Variants in NSUN7 observed in about 807,000 individuals in gnomAD.
The protein encoded by NSUN7 is protein NSUN7.
NSUN7 carries 39 observed loss-of-function variants against 58.5 expected under a neutral mutation model. That is an observed-to-expected ratio of 0.67 (90% CI 0.52 to 0.87). The LOEUF (loss-of-function observed/expected upper bound fraction) is 0.87, where lower values mean the gene tolerates loss of function less well. Ranked by LOEUF, NSUN7 falls within the 40% of genes least tolerant of loss-of-function variation. The probability of loss-of-function intolerance (pLI) is 0.00; values close to 1 mark genes in which losing one functional copy is unlikely to be tolerated. For synonymous variants in NSUN7, 278 were observed against 303.7 expected, an observed-to-expected ratio of 0.92 and a Z score of 0.88; for missense variants, 765 against 844.1, an observed-to-expected ratio of 0.91 and a Z score of 1.16.
At chr4:40,751,181 T>C (rs1170816879) in intron 2 of NSUN7, among the ~76,000 whole-genome samples, 190 bp downstream of exon 2, 1 of 152,226 alleles carries the variant, frequency 6.6e-6, no homozygotes, top group African/African-American at 2.4e-5. Context: ...CAGCCCAGGA[T>C]TGCAGATTTC....
intron 7 of NSUN7, among the ~76,000 whole-genome samples, chr4:40,781,081 A>G (rs1389418124): frequency 1.3e-5 from 2 of 151,012 alleles, no homozygotes; most frequent in African/African-American, 4.9e-5. Flanking sequence ...GCATATATAT[A>G]TATATGACAC....
intron 4 of NSUN7, among the ~76,000 whole-genome samples, chr4:40,761,937 C>A (rs1050668828): frequency 3.3e-5 from 5 of 152,098 alleles, no homozygotes; most frequent in African/African-American, 1.2e-4. Context: ...GAATGTGTCC[C>A]CCAGAATTCA....
Position 40,775,689 on chromosome 4 carries a change from G to A in NSUN7, c.826-360G>A, listed in dbSNP as rs1742227773. Among the ~76,000 whole-genome samples, 1 of 152,146 alleles carries A rather than the reference G, an allele frequency of 6.6e-6. No individual in the cohort carries two copies. The highest frequency in any genetic ancestry group is 1.5e-5 in the Non-Finnish European group (1 of 68,002). Reference sequence around the variant, plus strand: ...GAGCTAGTGGCAATTTAGGTGACAAGGTAATGGGGAAGAGAAAATGGAAGT... The same window carrying A: ...GAGCTAGTGGCAATTTAGGTGACAAAGTAATGGGGAAGAGAAAATGGAAGT... On this transcript the variant is annotated intron_variant, in intron 6 of 11. Coordinates refer to ENST00000381782, the MANE Select transcript of NSUN7 (RefSeq NM_024677.6). The surrounding 1 kb of genome is among the most constrained non-coding windows in gnomAD (Gnocchi z 4.3).
At chr4:40,801,238 G>A (rs559033172) in intron 10 of NSUN7, among the ~76,000 whole-genome samples, 13 of 152,304 alleles carry the variant, frequency 8.5e-5, no homozygotes, top group African/African-American at 3.1e-4. Context: ...GGTAGTGACA[G>A]TTATACCTTT....
At chr4:40,807,036 G>A (rs1032179013) in intron 10 of NSUN7, 25 bp from the exon 11 acceptor site, 4 of 1,548,080 alleles carry the variant, frequency 2.6e-6, no homozygotes, top group African/African-American at 2.7e-5. Context: ...TCTAACTGCT[G>A]AATGCTTGTT....
At chr4:40,797,452 C>T (rs191037901) in intron 9 of NSUN7, among the ~76,000 whole-genome samples, 29 of 152,286 alleles carry the variant, frequency 1.9e-4, no homozygotes, top group African/African-American at 7.2e-5. Context: ...ATCTTCCTCC[C>T]GCCATACTTG....
intron 10 of NSUN7, among the ~76,000 whole-genome samples, chr4:40,802,641 G>GTTTA (rs555824404): frequency 5.3e-5 from 8 of 152,012 alleles, no homozygotes; most frequent in African/African-American, 1.9e-4. Context: ...ATGTTTGTTT[G>GTTTA]TTTTTTTGTA....
In NSUN7 at chr4:40,765,491, G is replaced by T. The variant is rs1195535628; in HGVS notation, c.488+4190G>T. Among the ~76,000 whole-genome samples, 5 of 151,486 alleles carry T rather than the reference G, an allele frequency of 3.3e-5. 1 individual carries two copies. Among genetic ancestry groups the T allele is most frequent in the African/African-American group, 1.2e-4 (5 of 41,356 alleles). On this transcript the variant is annotated intron_variant, in intron 4 of 11. Coordinates refer to ENST00000381782, the MANE Select transcript of NSUN7 (RefSeq NM_024677.6). ...CTGTTTTGGTTACTGTAGCCTTGTA[G>T]TATAGTTTGAAGTCAGGTAGCGTGA...
intron 7 of NSUN7, among the ~76,000 whole-genome samples, chr4:40,778,801 C>T (rs1002077258): frequency 3.3e-5 from 5 of 152,120 alleles, no homozygotes; most frequent in Non-Finnish European, 7.3e-5. Context: ...CATATACCAT[C>T]AATGGAATAG....
At chr4:40,784,454 A>C (rs1360589993) in intron 7 of NSUN7, among the ~76,000 whole-genome samples, 1 of 152,238 alleles carries the variant, frequency 6.6e-6, no homozygotes, top group Non-Finnish European at 1.5e-5. Context: ...AAAAGAATGA[A>C]ATCCTAATGG....
chr4:40,755,102 A>T lies in NSUN7; in HGVS notation c.298+4111A>T, dbSNP rs187433632. On this transcript the variant is annotated intron_variant, in intron 2 of 11. Transcript: ENST00000381782. ...AGTACCAGTAGCCAATTAATTAATT[A>T]ATTTATTGATGGAGTCTTGCTCTGT... is the stretch of plus-strand genomic sequence containing the variant. Among the ~76,000 whole-genome samples the T allele has an allele frequency of 1.4e-4, 21 of 152,216 alleles. No individual in the cohort carries two copies. In the East Asian group the frequency reaches 3.5e-3, roughly 25 times the overall value.
intron 10 of NSUN7, among the ~76,000 whole-genome samples, chr4:40,805,864 T>G (rs1355862312): frequency 1.3e-5 from 2 of 151,914 alleles, no homozygotes; most frequent in Admixed American, 6.6e-5. Context: ...ATTATTGAGA[T>G]GGAGTCTTGC....
chr4:40,766,035 A>G (rs1211775083), intron 4 of NSUN7, among the ~76,000 whole-genome samples: 1 of 152,176 alleles, frequency 6.6e-6, no homozygotes, highest in Non-Finnish European at 1.5e-5. Context: ...AAACAGGGAC[A>G]ATTTGACTTC....
Position 40,808,877 on chromosome 4 carries a change from G to A in NSUN7, c.2095G>A (p.Glu699Lys). The change falls in exon 12 of 12, where the codon GAG becomes AAG. Residue 699 changes from glutamate (E) to lysine (K), a missense_variant. Coordinates refer to ENST00000381782, the MANE Select transcript of NSUN7 (RefSeq NM_024677.6). Reference sequence around the variant, plus strand: ...TCCCACACACTCACTATCCAGAAAAGAGGAAAAGCCTAAAGATGACACACC... The same window carrying A: ...TCCCACACACTCACTATCCAGAAAAAAGGAAAAGCCTAAAGATGACACACC... ...CLPTHSLSRK[E>K]EKPKDDTPSS... 6.5e-7 allele frequency: 1 copy of A among 1,546,642 alleles called. No homozygotes were observed. Among genetic ancestry groups the A allele is most frequent in the Non-Finnish European group, 8.7e-7 (1 of 1,146,696 alleles).
intron 2 of NSUN7, among the ~76,000 whole-genome samples, chr4:40,752,480 GCA>G (rs1405774797): frequency 6.6e-6 from 1 of 152,168 alleles, no homozygotes; most frequent in African/African-American, 2.4e-5. Flanking sequence ...AAGTGCAGTG[GCA>G]CAATCTTGGC....
intron 8 of NSUN7, among the ~76,000 whole-genome samples, 181 bp from the exon 9 acceptor site, chr4:40,794,192 CAG>C (rs971486467): frequency 1.3e-5 from 2 of 151,898 alleles, no homozygotes; most frequent in African/African-American, 4.8e-5. Context: ...TAAAATGAAA[CAG>C]AATTAACTTT....
At position 40,809,061 on chromosome 4, in the gene NSUN7, T is replaced by G; in HGVS notation, c.*122T>G. The G allele has an allele frequency of 1.0e-6, 1 of 1,003,818 alleles. No individual in the cohort carries two copies. Among genetic ancestry groups the G allele is most frequent in the Non-Finnish European group, 1.4e-6 (1 of 711,926 alleles). The allele number at this position is 1,003,818 out of a possible 1,614,324, so 62.2% of individuals were successfully genotyped here. A position where few individuals can be genotyped will look rare whatever the true frequency, so the allele number is the denominator to read the frequency against. ...TTCTTTTGGTCACCTAGGGATCTTC[T>G]AAGTGTGATATTACTTTCAGAGAAT... On this transcript the variant is annotated 3_prime_UTR_variant, in exon 12 of 12. Transcript: ENST00000381782.
chr4:40,769,048 C>T (rs1741871748), intron 4 of NSUN7, among the ~76,000 whole-genome samples: 1 of 152,166 alleles, frequency 6.6e-6, no homozygotes, highest in Admixed American at 6.5e-5. Context: ...ATTCTTCTTT[C>T]CTCCCCTCCC....
intron 7 of NSUN7, among the ~76,000 whole-genome samples, chr4:40,784,774 A>C (rs1046833747): frequency 1.3e-5 from 2 of 152,234 alleles, no homozygotes; most frequent in Non-Finnish European, 2.9e-5. Flanking sequence ...ACCTTAAGAA[A>C]ATCAGTCAGA....
Sources: allele counts gnomAD v4.1 joint callset (sites outside exome capture counted in the v4.1 genomes callset), GRCh38; gene constraint gnomAD v4.1.1; non-coding constraint Gnocchi (gnomAD v3.1); transcripts MANE v1.5; gene names NCBI Gene and HGNC (gene_info 2026-07-23, HGNC 2026-07-21).